TUT7: variants seen among roughly 807,000 people sequenced by gnomAD.
The protein encoded by TUT7 is terminal uridylyltransferase 7.
In TUT7, 33 loss-of-function variants were observed where a neutral mutation model predicts 165.9. The ratio of observed to expected loss-of-function variants is 0.20; its 90% CI spans 0.15 to 0.27. The LOEUF is 0.27. TUT7 is among the 10% of genes least tolerant of loss of function. The probability of loss-of-function intolerance (pLI) is 1.00; values close to 1 mark genes in which losing one functional copy is unlikely to be tolerated. For missense variants in TUT7, 1,338 were observed against 1,762.3 expected (o/e 0.76, Z 4.31); for synonymous variants, 552 against 608.1 (o/e 0.91, Z 1.36).
chr9:86,301,296 G>T lies in TUT7; in HGVS notation c.4400C>A (p.Pro1467Gln). ...CATACCTGAAGAGCCTTTAAACTGT[G>T]GGCATTCCTTTTTAATGTGCCCTTC... ...GREGHIKKEC[P>Q]QFKGSSGSLS... is the part of the protein sequence containing the mutation. The change falls in exon 26 of 27, where the codon CCA (proline) becomes CAA (glutamine). Residue 1467 changes from proline (P) to glutamine (Q), a missense_variant. Physicochemically the swap from Pro to Gln is moderately conservative, Grantham distance 76. Transcript: ENST00000375963. 1 of 1,613,966 alleles carries T rather than the reference G, an allele frequency of 6.2e-7. No homozygotes were observed. The highest frequency in any genetic ancestry group is 2.2e-5 in the East Asian group (1 of 44,876).
At position 86,346,318 on chromosome 9, in the gene TUT7, C is replaced by A; in HGVS notation, c.683G>T (p.Cys228Phe). The change falls in exon 3 of 27, where the codon TGC (cysteine) becomes TTC (phenylalanine). Residue 228 changes from cysteine (C) to phenylalanine (F), a missense_variant. Coordinates refer to ENST00000375963, the MANE Select transcript of TUT7 (RefSeq NM_024617.4). ...QQAEERLKRD[C>F]IDRLKRRPRN... is the part of the protein sequence containing the mutation. ...TGTTACCCTTTTTAGCCTGTCAATG[C>A]AGTCTCTCTTCAGTCTCTCCTCAGC... 6.2e-7 allele frequency: 1 copy of A among 1,613,526 alleles called. No individual in the cohort carries two copies. Among genetic ancestry groups the A allele is most frequent in the South Asian group, 1.1e-5 (1 of 90,986 alleles).
At position 86,322,467 on chromosome 9, in the gene TUT7, C is replaced by G. The variant is rs148091829; in HGVS notation, c.2886G>C (p.Thr962=). The G allele has an allele frequency of 1.9e-6, 3 of 1,609,324 alleles. No homozygotes were observed. The highest frequency in any genetic ancestry group is 1.3e-5 in the African/African-American group (1 of 74,594). ...CTCGTTTGCATAAGCTGCACACTAC[C>G]GTAGGAGACTGCAGGAATATGGCAA... ...KLIFTKGKSP[T]VVCSLCKREG... is the part of the protein sequence containing the mutation. The change falls in exon 14 of 27, where the codon ACG becomes ACC. Residue 962 remains threonine, a synonymous_variant. Transcript: ENST00000375963.
intron 6 of TUT7, 72 bp from the exon 7 acceptor site, chr9:86,341,125 G>A (rs143382555): frequency 1.3e-4 from 166 of 1,262,314 alleles, no homozygotes; most frequent in African/African-American, 1.2e-3. Context: ...AGAGTCATCC[G>A]AAGTTCCCCA....
rs145674613 is a variant in TUT7, at chr9:86,325,086, C to T, written c.1789+248G>A. On this transcript the variant is annotated intron_variant, in intron 12 of 26. Coordinates refer to ENST00000375963, the MANE Select transcript of TUT7 (RefSeq NM_024617.4). ...GGCATTTAAGTGGTTAAGCAATCTACAAAGAAAGCAAGGACTCAGCCAGCC... is the reference window on the plus strand; with the variant it reads ...GGCATTTAAGTGGTTAAGCAATCTATAAAGAAAGCAAGGACTCAGCCAGCC... 3.6e-3 allele frequency among the ~76,000 whole-genome samples: 549 copies of T among 152,266 alleles called. 3 individuals are homozygous for T. Among genetic ancestry groups the T allele is most frequent in the African/African-American group, 0.013 (529 of 41,556 alleles).
At chr9:86,324,873 T>C (rs1829648744) in intron 12 of TUT7, among the ~76,000 whole-genome samples, 1 of 152,252 alleles carries the variant, frequency 6.6e-6, no homozygotes, top group African/African-American at 2.4e-5. Context: ...CAAAAATAAC[T>C]ACTCATTCTC....
intron 26 of TUT7, among the ~76,000 whole-genome samples, chr9:86,295,653 CTTA>C (rs1423313164): frequency 6.6e-6 from 1 of 152,056 alleles, no homozygotes; most frequent in Non-Finnish European, 1.5e-5. Context: ...TTATTTTAAG[CTTA>C]TTATCATAAA....
intron 22 of TUT7, 43 bp downstream of exon 22, chr9:86,308,386 A>G: frequency 2.6e-6 from 4 of 1,533,296 alleles, no homozygotes; most frequent in Non-Finnish European, 3.6e-6. Flanking sequence ...TTATAGTTCA[A>G]GCTCTATAGT....
intron 7 of TUT7, 142 bp from the exon 8 acceptor site, chr9:86,340,247 T>G: frequency 1.6e-6 from 1 of 630,750 alleles, no homozygotes; most frequent in Non-Finnish European, 2.7e-6. Context: ...CTGCAATGAC[T>G]TGAAAAGGAA....
intron 10 of TUT7, among the ~76,000 whole-genome samples, 189 bp from the exon 11 acceptor site, chr9:86,328,681 C>T (rs2131478622): frequency 6.6e-6 from 1 of 152,194 alleles, no homozygotes; most frequent in East Asian, 1.9e-4. Flanking sequence ...TTTTGATTTG[C>T]AAAAGAAATG....
chr9:86,345,947 T>C (rs1268842762), intron 3 of TUT7, among the ~76,000 whole-genome samples, 162 bp from the exon 4 acceptor site: 1 of 152,138 alleles, frequency 6.6e-6, no homozygotes, highest in Non-Finnish European at 1.5e-5. Flanking sequence ...TATTCACAGA[T>C]ACCATTATAG....
intron 24 of TUT7, 26 bp downstream of exon 24, chr9:86,304,830 T>A: frequency 6.7e-7 from 1 of 1,498,896 alleles, no homozygotes; most frequent in Non-Finnish European, 9.1e-7. Context: ...TTATTTTTTA[T>A]TTTTTGGTAT....
chr9:86,307,435 A>G (rs1179667762), intron 22 of TUT7, among the ~76,000 whole-genome samples: 5 of 152,374 alleles, frequency 3.3e-5, no homozygotes, highest in East Asian at 1.9e-4. Flanking sequence ...TCATTTTACA[A>G]AAGTTCATTG....
chr9:86,308,441 T>A lies in TUT7; in HGVS notation c.3826A>T (p.Ile1276Phe), dbSNP rs768046984. 1 of 1,612,032 alleles carries A rather than the reference T, an allele frequency of 6.2e-7. No homozygotes were observed. Among genetic ancestry groups the A allele is most frequent in the Non-Finnish European group, 8.5e-7 (1 of 1,179,368 alleles). ...TFKKQWTSKY[I>F]VIEDPFDLNH... ...ATTTTATTCGTACCTTCAATAACAATGTATTTTGAGGTCCACTGTTTCTTA... is the reference window on the plus strand; with the variant it reads ...ATTTTATTCGTACCTTCAATAACAAAGTATTTTGAGGTCCACTGTTTCTTA... The change falls in exon 22 of 27, where the codon ATT becomes TTT. Residue 1276 changes from isoleucine to phenylalanine, a missense_variant. Ile to Phe is a conservative substitution (Grantham distance 21). Transcript: ENST00000375963.
At position 86,325,474 on chromosome 9, in the gene TUT7, G is replaced by A; in HGVS notation, c.1649C>T (p.Pro550Leu). The change falls in exon 12 of 27, where the codon CCA becomes CTA. Residue 550 changes from proline to leucine, a missense_variant. This residue lies in a region of TUT7 where 53 missense variants were observed against 46.3 expected (regional missense o/e 1.15). Coordinates refer to ENST00000375963, the MANE Select transcript of TUT7 (RefSeq NM_024617.4). ...CAATTCCACCCAGAGCTGCCCAACTGGTACTGAAGGCTGGTGTTTCACATC... is the reference window on the plus strand; with the variant it reads ...CAATTCCACCCAGAGCTGCCCAACTAGTACTGAAGGCTGGTGTTTCACATC... ...ILDVKHQPSV[P>L]VGQLWVELLR... is the part of the protein sequence containing the mutation. The A allele has an allele frequency of 3.1e-6, 5 of 1,613,764 alleles. No individual in the cohort carries two copies. Among genetic ancestry groups the A allele is most frequent in the Non-Finnish European group, 4.2e-6 (5 of 1,179,848 alleles).
At chr9:86,330,060 T>C (rs1366874449) in intron 10 of TUT7, among the ~76,000 whole-genome samples, 1 of 151,606 alleles carries the variant, frequency 6.6e-6, no homozygotes, top group African/African-American at 2.4e-5. Flanking sequence ...TGTTCACTTC[T>C]TTTTTTTTCT....
At chr9:86,329,507 G>A (rs1288644388) in intron 10 of TUT7, among the ~76,000 whole-genome samples, 1 of 143,818 alleles carries the variant, frequency 7.0e-6, no homozygotes, top group African/African-American at 2.6e-5. Context: ...TGGGCAACAA[G>A]AGCGAAACTC....
At chr9:86,299,780 G>T (rs1826713332) in intron 26 of TUT7, among the ~76,000 whole-genome samples, 1 of 152,152 alleles carries the variant, frequency 6.6e-6, no homozygotes, top group Non-Finnish European at 1.5e-5. Flanking sequence ...CAAAGCTGGG[G>T]CAAATTCTCC....
rs1286917856 is a variant in TUT7, at chr9:86,296,746, C to T, written c.4420+4530G>A. On this transcript the variant is annotated intron_variant, in intron 26 of 26. Transcript: ENST00000375963. ...AGTAGGGGCTGTCCGTATCAACATG[C>T]TTTCTTGAGAAACTACAAGTGGGCC... is the stretch of plus-strand genomic sequence containing the variant. 2.6e-5 allele frequency among the ~76,000 whole-genome samples: 4 copies of T among 152,232 alleles called. No individual in the cohort carries two copies. The East Asian group carries it at 5.8e-4, about 22-fold the overall frequency.
Position 86,352,872 on chromosome 9 carries a change from A to G in TUT7, c.328T>C (p.Ser110Pro). 1 of 1,614,182 alleles carries G rather than the reference A, an allele frequency of 6.2e-7. No individual in the cohort carries two copies. The highest frequency in any genetic ancestry group is 8.5e-7 in the Non-Finnish European group (1 of 1,180,036). ...RWLSDEHTGN[S>P]DNWREFKPGP... The stretch of plus-strand genomic sequence containing the variant: ...GGTTTGAATTCTCTCCAGTTGTCTG[A>G]ATTACCAGTATGTTCATCAGACAGC... The change falls in exon 2 of 27, where the codon TCA becomes CCA. Residue 110 changes from serine to proline, a missense_variant. Around this residue, in one of 7 missense-constraint regions of TUT7, gnomAD observed 434 missense variants for 480.8 expected, o/e 0.90. Coordinates refer to ENST00000375963, the MANE Select transcript of TUT7 (RefSeq NM_024617.4).
Sources: gnomAD v4.1 joint callset for allele counts (sites outside exome capture counted in the v4.1 genomes callset) on GRCh38, gnomAD v4.1.1 for gene constraint, gnomAD v4.1.1 regional missense constraint, MANE v1.5 for transcripts, NCBI Gene and HGNC (gene_info 2026-07-23, HGNC 2026-07-21) for gene names.